Variants in GPR39 observed in about 807,000 individuals in gnomAD.
The protein encoded by GPR39 is G protein-coupled receptor 39.
A neutral mutation model predicts 18.4 loss-of-function variants in GPR39; 23 were observed. That is an observed-to-expected ratio of 1.25 (90% CI 0.90 to 1.77). GPR39 has a LOEUF of 1.77. Among genes scored for constraint, GPR39 ranks in the 40% most tolerant of loss-of-function variants. GPR39 has a pLI of 0.00. For synonymous variants in GPR39, 280 were observed against 257.9 expected (o/e 1.09, Z -0.82); for missense variants, 647 against 602.4 (o/e 1.07, Z -0.78).
intron 1 of GPR39, among the ~76,000 whole-genome samples, chr2:132,434,561 A>C (rs1680278664): frequency 6.6e-6 from 1 of 152,162 alleles, no homozygotes; most frequent in South Asian, 2.1e-4. Flanking sequence ...AACATCTCTA[A>C]TTCAGCCTCT....
chr2:132,575,450 G>T lies in GPR39; in HGVS notation c.857-69651G>T, dbSNP rs538592241. Among the ~76,000 whole-genome samples, 3 of 152,318 alleles carry T rather than the reference G, an allele frequency of 2.0e-5. No homozygotes were observed. The East Asian group carries it at 5.8e-4, about 29-fold the overall frequency. On this transcript the variant is annotated intron_variant, in intron 1 of 1. Coordinates refer to ENST00000329321, the MANE Select transcript of GPR39 (RefSeq NM_001508.3). ...AAACTATACTAAAATATTACAGCCA[G>T]AATATTGCTATTGATAGTTAAATTG...
intron 1 of GPR39, among the ~76,000 whole-genome samples, chr2:132,467,757 A>G (rs1680955207): frequency 1.3e-5 from 2 of 152,212 alleles, no homozygotes; most frequent in African/African-American, 4.8e-5. Flanking sequence ...GGCAGGGAAC[A>G]TAGTGGCCCA....
At chr2:132,588,764 A>G (rs1245758958) in intron 1 of GPR39, among the ~76,000 whole-genome samples, 1 of 152,212 alleles carries the variant, frequency 6.6e-6, no homozygotes, top group Non-Finnish European at 1.5e-5. Context: ...CCACTATCAC[A>G]TGCTATTCAT....
intron 1 of GPR39, 52 bp from the exon 2 acceptor site, chr2:132,645,049 C>G: frequency 1.3e-6 from 2 of 1,561,082 alleles, no homozygotes; most frequent in Middle Eastern, 1.7e-4. Context: ...ACTGTGTTCT[C>G]ATGCTGTGTT....
chr2:132,590,046 C>T (rs1015505605), intron 1 of GPR39, among the ~76,000 whole-genome samples: 4 of 152,298 alleles, frequency 2.6e-5, no homozygotes, highest in Non-Finnish European at 5.9e-5. Context: ...CTCATTATTT[C>T]TTTTCATATA....
chr2:132,630,289 A>G (rs561200651), intron 1 of GPR39, among the ~76,000 whole-genome samples: 2 of 152,340 alleles, frequency 1.3e-5, no homozygotes, highest in East Asian at 1.9e-4. Flanking sequence ...GGTCTCAGAC[A>G]CTTCTTCCAG....
At chr2:132,500,490 G>C (rs542132827) in intron 1 of GPR39, among the ~76,000 whole-genome samples, 1 of 152,174 alleles carries the variant, frequency 6.6e-6, no homozygotes, top group East Asian at 1.9e-4. Context: ...CTAGTATTTT[G>C]TTGAGGATTT....
At chr2:132,545,653 G>GGT (rs5834318) in intron 1 of GPR39, among the ~76,000 whole-genome samples, 28,308 of 134,658 alleles carry the variant, frequency 0.21, 2,635 homozygotes, top group Middle Eastern at 0.27. Context: ...ATGTGTGATG[G>GGT]GCGTGTGTGT....
At chr2:132,571,532 A>T (rs1056661359) in intron 1 of GPR39, among the ~76,000 whole-genome samples, 1 of 152,232 alleles carries the variant, frequency 6.6e-6, no homozygotes, top group Non-Finnish European at 1.5e-5. Context: ...AAGCAGGTAG[A>T]TGAAATGGGC....
At position 132,645,892 on chromosome 2, in the gene GPR39, C is replaced by G; in HGVS notation, c.*286C>G. The stretch of plus-strand genomic sequence containing the variant: ...TTTATTCAGAATGCTTTACCGAGCT[C>G]TTTCATTATTTGCACAGGAACAAAA... On this transcript the variant is annotated 3_prime_UTR_variant, in exon 2 of 2. Coordinates refer to ENST00000329321, the MANE Select transcript of GPR39 (RefSeq NM_001508.3). 1 of 673,100 alleles carries G rather than the reference C, an allele frequency of 1.5e-6. No homozygotes were observed. Among genetic ancestry groups the G allele is most frequent in the East Asian group, 2.9e-5 (1 of 34,976 alleles). 41.7% of individuals were successfully genotyped at this position (673,100 alleles called of 1,614,324 possible).
rs1444833681 is a variant in GPR39 at position 132,493,032 on chromosome 2, CAT to C, written c.856+75142_856+75143del. Among the ~76,000 whole-genome samples the C allele has an allele frequency of 9.7e-3, 1,155 of 119,516 alleles. 15 individuals carry two copies. Among genetic ancestry groups the C allele is most frequent in the African/African-American group, 0.04 (1,027 of 25,678 alleles). 78.4% of individuals were successfully genotyped at this position (119,516 alleles called of 152,430 possible). A position where few individuals can be genotyped will look rare whatever the true frequency, so the allele number is the denominator to read the frequency against. ...TACACTATATATACTATATATATAC[CAT>C]ATATATACCATATATACCATATATA... On this transcript the variant is annotated intron_variant, in intron 1 of 1. Transcript: ENST00000329321.
chr2:132,419,519 A>AGT (rs1231359463), intron 1 of GPR39, among the ~76,000 whole-genome samples: 1 of 152,218 alleles, frequency 6.6e-6, no homozygotes, highest in East Asian at 1.9e-4. Flanking sequence ...TGGAAGTTGT[A>AGT]GTAGGTAACG....
intron 1 of GPR39, among the ~76,000 whole-genome samples, chr2:132,470,439 A>G (rs963587490): frequency 2.6e-5 from 4 of 152,088 alleles, no homozygotes; most frequent in Admixed American, 2.6e-4. Flanking sequence ...TGGTGTTGGC[A>G]CTTCCTAAAG....
chr2:132,571,026 A>G (rs1248092618), intron 1 of GPR39, among the ~76,000 whole-genome samples: 1 of 152,188 alleles, frequency 6.6e-6, no homozygotes, highest in Non-Finnish European at 1.5e-5. Context: ...AGTTTTGTGT[A>G]TGGGAGCTCG....
chr2:132,584,781 G>A (rs1044824777), intron 1 of GPR39, among the ~76,000 whole-genome samples: 1 of 152,218 alleles, frequency 6.6e-6, no homozygotes, highest in African/African-American at 2.4e-5. Context: ...AAAATGGGAT[G>A]TCTATTAGAC....
At chr2:132,468,600 G>GGGTCAACCCAAAGT (rs2104781450) in intron 1 of GPR39, among the ~76,000 whole-genome samples, 1 of 152,312 alleles carries the variant, frequency 6.6e-6, no homozygotes, top group South Asian at 2.1e-4. Flanking sequence ...CTGAGAGGTT[G>GGGTCAACCCAAAGT]GGCCCTATAC....
chr2:132,506,714 C>T (rs1374856711), intron 1 of GPR39, among the ~76,000 whole-genome samples: 1 of 152,098 alleles, frequency 6.6e-6, no homozygotes, highest in Non-Finnish European at 1.5e-5. Context: ...ATGGAGGTAA[C>T]CACTCCCATT....
chr2:132,501,856 T>C (rs1468730155), intron 1 of GPR39, among the ~76,000 whole-genome samples: 2 of 152,162 alleles, frequency 1.3e-5, no homozygotes, highest in Non-Finnish European at 2.9e-5. Flanking sequence ...TAAACTCCTG[T>C]TGCTTTAAAG....
intron 1 of GPR39, among the ~76,000 whole-genome samples, chr2:132,529,206 A>G (rs768259582): frequency 6.6e-6 from 1 of 152,158 alleles, no homozygotes; most frequent in African/African-American, 2.4e-5. Flanking sequence ...ACCAGATTAT[A>G]TCCCACACCT....
Sources: allele counts gnomAD v4.1 joint callset (sites outside exome capture counted in the v4.1 genomes callset), GRCh38; gene constraint gnomAD v4.1.1; transcripts MANE v1.5; gene names NCBI Gene and HGNC (gene_info 2026-07-23, HGNC 2026-07-21).